The following PRKG1 variants were observed in gnomAD, a reference collection of about 807,000 sequenced individuals.
The protein encoded by PRKG1 is protein kinase cGMP-dependent 1, also known as cGMP-dependent protein kinase 1.
Under a neutral mutation model 88.1 loss-of-function variants are expected in PRKG1, and 35 were observed. The observed-to-expected ratio is 0.40, with a 90% CI of 0.30 to 0.53. The LOEUF (loss-of-function observed/expected upper bound fraction) is 0.53, where lower values mean the gene tolerates loss of function less well. Ranked by LOEUF, PRKG1 falls within the 20% of genes least tolerant of loss-of-function variation. PRKG1 has a pLI of 0.59. For synonymous variants in PRKG1, 303 were observed against 292.5 expected (o/e 1.04, Z -0.37); for missense variants, 540 against 839.8 (o/e 0.64, Z 4.41).
chr10:51,775,107 T>C (rs906487467), intron 3 of PRKG1, among the ~76,000 whole-genome samples: 4 of 152,184 alleles, frequency 2.6e-5, no homozygotes, highest in African/African-American at 9.6e-5. Flanking sequence ...ATTGGAACTC[T>C]ATTACTTTTG....
At chr10:51,923,880 G>A (rs1445381925) in intron 5 of PRKG1, among the ~76,000 whole-genome samples, 1 of 151,354 alleles carries the variant, frequency 6.6e-6, no homozygotes, top group African/African-American at 2.4e-5. Context: ...CCAGGCTAGA[G>A]TGCAGTGATG....
At chr10:51,842,128 ACTGT>A (rs1419692946) in intron 4 of PRKG1, among the ~76,000 whole-genome samples, 2 of 152,076 alleles carry the variant, frequency 1.3e-5, no homozygotes, top group African/African-American at 2.4e-5. Context: ...GTCTGACTTG[ACTGT>A]CTGATTCATA....
intron 9 of PRKG1, among the ~76,000 whole-genome samples, chr10:52,250,494 C>T (rs1473464020): frequency 6.6e-6 from 1 of 152,136 alleles, no homozygotes; most frequent in Non-Finnish European, 1.5e-5. Context: ...ATACCCATGG[C>T]TGATTCTATG....
intron 4 of PRKG1, among the ~76,000 whole-genome samples, chr10:51,829,146 C>A (rs567997297): frequency 6.6e-6 from 1 of 152,122 alleles, no homozygotes; most frequent in African/African-American, 2.4e-5. Flanking sequence ...TGTTTCTGGC[C>A]GTGTGAACAT....
chr10:51,122,510 G>A (rs1845283755), intron 1 of PRKG1, among the ~76,000 whole-genome samples: 1 of 152,134 alleles, frequency 6.6e-6, no homozygotes, highest in South Asian at 2.1e-4. Flanking sequence ...ATATACGTGT[G>A]ATTAAGATTT....
rs989116018 is a variant in PRKG1, at chr10:51,712,714, G to A, written c.593-91871G>A. 8.7e-5 allele frequency among the ~76,000 whole-genome samples: 13 copies of A among 148,998 alleles called. No individual in the cohort carries two copies. In the South Asian group the frequency reaches 1.7e-3, roughly 20 times the overall value. On this transcript the variant is annotated intron_variant, in intron 3 of 17. Transcript: ENST00000373980. ...ACGCTATTCTCCTGCCTCAGCCTCC[G>A]GAGTAGCTGGGACTATAGGCGCCCG...
intron 4 of PRKG1, among the ~76,000 whole-genome samples, chr10:51,899,541 C>G (rs1001060011): frequency 9.2e-5 from 14 of 151,358 alleles, no homozygotes; most frequent in African/African-American, 3.4e-4. Flanking sequence ...GCCTGTAGTC[C>G]CAGCTACTTA....
chr10:52,021,625 T>G (rs868705899), intron 5 of PRKG1, among the ~76,000 whole-genome samples: 1 of 152,186 alleles, frequency 6.6e-6, no homozygotes, highest in Non-Finnish European at 1.5e-5. Flanking sequence ...TGGTAGACAG[T>G]AGGCAGGTGG....
At chr10:51,538,118 G>A (rs1842203268) in intron 3 of PRKG1, among the ~76,000 whole-genome samples, 2 of 152,240 alleles carry the variant, frequency 1.3e-5, no homozygotes, top group African/African-American at 4.8e-5. Context: ...CCATTTCCCT[G>A]TACTACACTG....
At chr10:51,454,312 T>C (rs1348939853) in intron 2 of PRKG1, among the ~76,000 whole-genome samples, 1 of 151,724 alleles carries the variant, frequency 6.6e-6, no homozygotes, top group Non-Finnish European at 1.5e-5. Context: ...AAATCGCAAA[T>C]CTGGAGGTAT....
chr10:51,669,242 G>A lies in PRKG1; in HGVS notation c.593-135343G>A, dbSNP rs80119730. On this transcript the variant is annotated intron_variant, in intron 3 of 17. Coordinates refer to ENST00000373980, the MANE Select transcript of PRKG1 (RefSeq NM_006258.4). ...AGGGCTGGAAGTCTGAGATCAGGGC[G>A]CCAGCATAGTTGGGTTCCGGTGAGG... Among the ~76,000 whole-genome samples the A allele has an allele frequency of 4.9e-3, 740 of 152,270 alleles. 12 individuals are homozygous for A. The East Asian group carries it at 0.069, about 14-fold the overall frequency.
chr10:52,054,112 C>T (rs563223154), intron 5 of PRKG1, among the ~76,000 whole-genome samples: 11 of 151,928 alleles, frequency 7.2e-5, no homozygotes, highest in South Asian at 6.2e-4. Context: ...ATCAAACAAT[C>T]GAAATGAATG....
At chr10:51,868,358 T>C (rs61850039) in intron 4 of PRKG1, among the ~76,000 whole-genome samples, 4,318 of 152,164 alleles carry the variant, frequency 0.028, 87 homozygotes, top group South Asian at 0.066. Context: ...AAGGCCTTCT[T>C]ACAAAATGGC....
At chr10:51,189,958 A>G (rs1264192316) in intron 2 of PRKG1, among the ~76,000 whole-genome samples, 1 of 151,892 alleles carries the variant, frequency 6.6e-6, no homozygotes, top group Non-Finnish European at 1.5e-5. Context: ...CTACAGAAAT[A>G]ACAGGCAGGG....
At position 50,991,535 on chromosome 10, in the gene PRKG1, C is replaced by G. The variant is rs377518710; in HGVS notation, c.157C>G (p.His53Asp). 4.3e-6 allele frequency: 7 copies of G among 1,610,708 alleles called. No individual in the cohort carries two copies. Among genetic ancestry groups the G allele is most frequent in the Non-Finnish European group, 5.9e-6 (7 of 1,178,824 alleles). The change falls in exon 1 of 18, where the codon CAC becomes GAC. Residue 53 changes from histidine (H) to aspartate (D), a missense_variant. Transcript: ENST00000401604. The surrounding 1 kb of genome is among the most constrained non-coding windows in gnomAD (Gnocchi z 4.5). ...GTCGGTGCTCCCAGTGCCCTCGACC[C>G]ACATCGGCCCCCGGACCACCCGGGC...
intron 1 of PRKG1, among the ~76,000 whole-genome samples, chr10:51,053,471 A>G (rs575234610): frequency 2.6e-5 from 4 of 152,260 alleles, no homozygotes; most frequent in Non-Finnish European, 4.4e-5. Context: ...GTTCATCACT[A>G]GGAATGACAT....
chr10:51,765,359 C>T (rs1186802837), intron 3 of PRKG1, among the ~76,000 whole-genome samples: 2 of 152,196 alleles, frequency 1.3e-5, no homozygotes, highest in Admixed American at 1.3e-4. Context: ...GAACTTTGTT[C>T]CAATGCTTTT....
At chr10:51,618,030 A>AT (rs1157575541) in intron 3 of PRKG1, among the ~76,000 whole-genome samples, 1 of 152,092 alleles carries the variant, frequency 6.6e-6, no homozygotes, top group Non-Finnish European at 1.5e-5. Flanking sequence ...TTTCATCCTC[A>AT]TTGCAATTGT....
chr10:51,736,099 C>T (rs1837271606), intron 3 of PRKG1, among the ~76,000 whole-genome samples: 1 of 151,256 alleles, frequency 6.6e-6, no homozygotes, highest in Non-Finnish European at 1.5e-5. Context: ...GCCATGTTGG[C>T]CAGGCAGGTC....
Sources: gnomAD v4.1 joint callset for allele counts (sites outside exome capture counted in the v4.1 genomes callset) on GRCh38, gnomAD v4.1.1 for gene constraint, Gnocchi (gnomAD v3.1) non-coding constraint, MANE v1.5 for transcripts, NCBI Gene and HGNC (gene_info 2026-07-23, HGNC 2026-07-21) for gene names.